RNF220: variants seen among roughly 807,000 people sequenced by gnomAD.
RNF220 encodes the protein E3 ubiquitin-protein ligase RNF220.
A neutral mutation model predicts 67.1 loss-of-function variants in RNF220; 7 were observed. The ratio of observed to expected loss-of-function variants is 0.10; its 90% CI spans 0.06 to 0.20. The LOEUF is 0.20. Ranked by LOEUF, RNF220 falls within the 10% of genes least tolerant of loss-of-function variation. RNF220 has a pLI of 1.00. For synonymous variants in RNF220, 270 were observed against 283.2 expected, an observed-to-expected ratio of 0.95 and a Z score of 0.47; for missense variants, 565 against 740.3, an observed-to-expected ratio of 0.76 and a Z score of 2.75.
chr1:44,556,838 C>T (rs1663132390), intron 2 of RNF220, among the ~76,000 whole-genome samples: 3 of 152,100 alleles, frequency 2.0e-5, no homozygotes, highest in Admixed American at 2.0e-4. Flanking sequence ...GGATTACAGG[C>T]GTAAGCCACC....
At chr1:44,585,576 ATTTG>A (rs1665637145) in intron 2 of RNF220, among the ~76,000 whole-genome samples, 1 of 152,174 alleles carries the variant, frequency 6.6e-6, no homozygotes, top group Non-Finnish European at 1.5e-5. Flanking sequence ...CATTTCAGTC[ATTTG>A]TTTGTCATCT....
At chr1:44,594,384 G>C (rs979913350) in intron 2 of RNF220, among the ~76,000 whole-genome samples, 1 of 151,924 alleles carries the variant, frequency 6.6e-6, no homozygotes, top group Admixed American at 6.6e-5. Context: ...CCTTCCCCAC[G>C]TCCCAGGAAG....
At chr1:44,513,080 T>C (rs970962247) in intron 2 of RNF220, among the ~76,000 whole-genome samples, 1 of 152,146 alleles carries the variant, frequency 6.6e-6, no homozygotes, top group African/African-American at 2.4e-5. Context: ...AGCCAATCCC[T>C]TAAGGGATTT....
intron 2 of RNF220, among the ~76,000 whole-genome samples, chr1:44,486,233 G>C (rs143190032): frequency 2.0e-5 from 3 of 151,996 alleles, no homozygotes; most frequent in East Asian, 3.9e-4. Context: ...AAAGTGAAAG[G>C]GGGGGGCCTT....
At chr1:44,633,610 C>A (rs973350634) in intron 6 of RNF220, among the ~76,000 whole-genome samples, 3 of 152,318 alleles carry the variant, frequency 2.0e-5, no homozygotes, top group Admixed American at 2.0e-4. Context: ...ATCTGCTGGC[C>A]TGTGTGTCCT....
At chr1:44,623,207 A>AT (rs2148451320) in intron 4 of RNF220, among the ~76,000 whole-genome samples, 1 of 151,976 alleles carries the variant, frequency 6.6e-6, no homozygotes, top group South Asian at 2.1e-4. Flanking sequence ...GGGTGTATGA[A>AT]TGTGCAGGTG....
chr1:44,550,284 CT>C (rs1379070095), intron 2 of RNF220, among the ~76,000 whole-genome samples: 1 of 152,200 alleles, frequency 6.6e-6, no homozygotes, highest in African/African-American at 2.4e-5. Flanking sequence ...GACTTGACCT[CT>C]CTACTGCAAC....
intron 2 of RNF220, among the ~76,000 whole-genome samples, chr1:44,533,271 A>C (rs1401680310): frequency 6.6e-6 from 1 of 152,156 alleles, no homozygotes; most frequent in African/African-American, 2.4e-5. Flanking sequence ...TGGGAGGGTC[A>C]CTTGAGCCCA....
intron 3 of RNF220, among the ~76,000 whole-genome samples, chr1:44,617,548 G>A (rs1443709094): frequency 1.3e-5 from 2 of 152,254 alleles, no homozygotes; most frequent in African/African-American, 4.8e-5. Context: ...GCTGACGGCC[G>A]TTCAGCGGGG....
At chr1:44,589,505 T>G (rs1183840849) in intron 2 of RNF220, among the ~76,000 whole-genome samples, 3 of 151,218 alleles carry the variant, frequency 2.0e-5, no homozygotes, top group Admixed American at 2.0e-4. Flanking sequence ...TCCCAGCTAC[T>G]CGGGAGGCTG....
At chr1:44,467,692 G>A (rs1398611622) in intron 2 of RNF220, among the ~76,000 whole-genome samples, 1 of 149,942 alleles carries the variant, frequency 6.7e-6, no homozygotes, top group Non-Finnish European at 1.5e-5. Flanking sequence ...TATCATTCAT[G>A]TGTTCACTAG....
chr1:44,563,452 C>T lies in RNF220; in HGVS notation c.626-50713C>T, dbSNP rs143341816. Among the ~76,000 whole-genome samples the T allele has an allele frequency of 1.2e-3, 185 of 152,312 alleles. 1 individual carries two copies. Among genetic ancestry groups the T allele is most frequent in the Admixed American group, 5.0e-3 (77 of 15,308 alleles). On this transcript the variant is annotated intron_variant, in intron 2 of 14. Coordinates refer to ENST00000361799, the MANE Select transcript of RNF220 (RefSeq NM_018150.4). ...CCTGATGGTACCTGTTTCAAGTCCA[C>T]CCAGGGAGATGGGGCCAGATGAACG...
At chr1:44,562,076 C>A (rs1312923006) in intron 2 of RNF220, among the ~76,000 whole-genome samples, 1 of 152,154 alleles carries the variant, frequency 6.6e-6, no homozygotes, top group Non-Finnish European at 1.5e-5. Flanking sequence ...AGGGAAAAGA[C>A]CACCTCAGCA....
chr1:44,543,224 AC>A (rs1247438900), intron 2 of RNF220, among the ~76,000 whole-genome samples: 6 of 150,634 alleles, frequency 4.0e-5, no homozygotes, highest in Non-Finnish European at 8.9e-5. Context: ...TTCGCCGGCT[AC>A]CCCCTCCCCC....
At chr1:44,602,031 G>C (rs1256060925) in intron 2 of RNF220, among the ~76,000 whole-genome samples, 1 of 152,128 alleles carries the variant, frequency 6.6e-6, no homozygotes, top group Non-Finnish European at 1.5e-5. Flanking sequence ...GTTGGGAGAA[G>C]GGAAGAGGGA....
At chr1:44,498,340 G>A (rs973308508) in intron 2 of RNF220, among the ~76,000 whole-genome samples, 3 of 151,978 alleles carry the variant, frequency 2.0e-5, no homozygotes, top group East Asian at 1.9e-4. Flanking sequence ...TACCAGGACC[G>A]ATGTCACCAA....
chr1:44,452,226 G>C (rs1024943050), intron 2 of RNF220, among the ~76,000 whole-genome samples: 1 of 152,108 alleles, frequency 6.6e-6, no homozygotes, highest in Non-Finnish European at 1.5e-5. Flanking sequence ...CCACACTGTT[G>C]TGATTATTGT....
chr1:44,597,516 C>T (rs1666601050), intron 2 of RNF220, among the ~76,000 whole-genome samples: 1 of 144,180 alleles, frequency 6.9e-6, no homozygotes, highest in African/African-American at 2.6e-5. Context: ...ACACACGAAC[C>T]TCCCTCACCT....
chr1:44,455,223 T>C (rs1341999527), intron 2 of RNF220, among the ~76,000 whole-genome samples: 1 of 152,190 alleles, frequency 6.6e-6, no homozygotes, highest in Non-Finnish European at 1.5e-5. Context: ...TTAGACTCCT[T>C]ACTATGATTC....
Sources: allele counts gnomAD v4.1 joint callset (sites outside exome capture counted in the v4.1 genomes callset), GRCh38; gene constraint gnomAD v4.1.1; transcripts MANE v1.5; gene names NCBI Gene and HGNC (gene_info 2026-07-23, HGNC 2026-07-21).